The following ITPKB variants were observed in gnomAD, a reference collection of about 807,000 sequenced individuals.
ITPKB encodes inositol-trisphosphate 3-kinase B.
ITPKB carries 13 observed loss-of-function variants against 69.4 expected under a neutral mutation model. The ratio of observed to expected loss-of-function variants is 0.19; its 90% CI spans 0.12 to 0.30. ITPKB has a LOEUF of 0.30. Among genes scored for constraint, ITPKB ranks in the 10% least tolerant of loss-of-function variants. The probability of loss-of-function intolerance (pLI) is 1.00; values close to 1 mark genes in which losing one functional copy is unlikely to be tolerated. For missense variants in ITPKB, 1,240 were observed against 1,250.5 expected (o/e 0.99, Z 0.13); for synonymous variants, 584 against 513.7 (o/e 1.14, Z -1.85).
rs1196214610 is a variant in ITPKB, at chr1:226,737,463, C to G, written c.-5G>C. ...CGCATAGCAGTACACAGCCATAGTACTGGGTCCCGCGCTGCCCGCCGCCGC... is the reference window on the plus strand; with the variant it reads ...CGCATAGCAGTACACAGCCATAGTAGTGGGTCCCGCGCTGCCCGCCGCCGC... On this transcript the variant is annotated 5_prime_UTR_variant, in exon 2 of 8. Transcript: ENST00000429204. The G allele has an allele frequency of 6.3e-7, 1 of 1,588,582 alleles. No individual in the cohort carries two copies. The highest frequency in any genetic ancestry group is 1.1e-5 in the South Asian group (1 of 89,264).
chr1:226,652,620 GA>G (rs1287716851), intron 2 of ITPKB, among the ~76,000 whole-genome samples: 3 of 152,360 alleles, frequency 2.0e-5, no homozygotes, highest in African/African-American at 7.2e-5. Context: ...CCAGCTCTAG[GA>G]AATACAAAAG....
intron 2 of ITPKB, among the ~76,000 whole-genome samples, chr1:226,694,279 T>C (rs1330795416): frequency 6.6e-6 from 1 of 152,268 alleles, no homozygotes; most frequent in Non-Finnish European, 1.5e-5. Flanking sequence ...TGTCAAAGTA[T>C]GGTTGAACAG....
intron 2 of ITPKB, among the ~76,000 whole-genome samples, chr1:226,723,206 C>T (rs981514998): frequency 1.3e-5 from 2 of 152,138 alleles, no homozygotes; most frequent in African/African-American, 4.8e-5. Flanking sequence ...TTCCACTCCA[C>T]CATCCCAGCC....
At chr1:226,695,409 C>A (rs1558087841) in intron 2 of ITPKB, among the ~76,000 whole-genome samples, 1 of 152,178 alleles carries the variant, frequency 6.6e-6, no homozygotes, top group African/African-American at 2.4e-5. Context: ...GTGAGACTGG[C>A]ACTCATGGCA....
chr1:226,641,949 G>A lies in ITPKB; in HGVS notation c.2423C>T (p.Thr808Ile), dbSNP rs1668972085. ...QWRETISSTATLGFRIEGIKK... is the reference protein window; with the variant it reads ...QWRETISSTAILGFRIEGIKK... The stretch of plus-strand genomic sequence containing the variant: ...GATTCCCTCGATCCTGAACCCCAGG[G>A]TGGCCGTGGAGCTGATGGTCTCCCG... The change falls in exon 5 of 8, where the codon ACC becomes ATC. Residue 808 changes from threonine to isoleucine, a missense_variant. Around this residue, in one of 2 missense-constraint regions of ITPKB, gnomAD observed 248 missense variants for 396.7 expected, o/e 0.63. Coordinates refer to ENST00000429204, the MANE Select transcript of ITPKB (RefSeq NM_002221.4). This position sits in a 1 kb window ranked among gnomAD's most constrained non-coding sequence, Gnocchi z 4.6. The A allele has an allele frequency of 1.9e-6, 3 of 1,613,922 alleles. No homozygotes were observed. The highest frequency in any genetic ancestry group is 1.3e-5 in the African/African-American group (1 of 74,940).
At chr1:226,665,281 G>T (rs974840034) in intron 2 of ITPKB, among the ~76,000 whole-genome samples, 1 of 152,196 alleles carries the variant, frequency 6.6e-6, no homozygotes, top group African/African-American at 2.4e-5. Context: ...TGAGCCGCTG[G>T]ATTTAGAGAC....
intron 2 of ITPKB, among the ~76,000 whole-genome samples, chr1:226,680,551 C>T (rs893463755): frequency 1.3e-5 from 2 of 151,876 alleles, no homozygotes; most frequent in East Asian, 1.9e-4. Flanking sequence ...AAGTTATCCA[C>T]GATTCTTATG....
At chr1:226,689,678 T>C (rs1002616298) in intron 2 of ITPKB, among the ~76,000 whole-genome samples, 4 of 151,804 alleles carry the variant, frequency 2.6e-5, no homozygotes, top group Non-Finnish European at 4.4e-5. Flanking sequence ...AGGTAAACTT[T>C]TGTCATGGGG....
At chr1:226,722,696 G>GA (rs1341542582) in intron 2 of ITPKB, among the ~76,000 whole-genome samples, 2 of 152,150 alleles carry the variant, frequency 1.3e-5, no homozygotes, top group Non-Finnish European at 2.9e-5. Context: ...AATCCTCCCA[G>GA]ACATCAGTCC....
At position 226,671,203 on chromosome 1, in the gene ITPKB, C is replaced by T. The variant is rs559846918; in HGVS notation, c.1933-22432G>A. On this transcript the variant is annotated intron_variant, in intron 2 of 7. Coordinates refer to ENST00000429204, the MANE Select transcript of ITPKB (RefSeq NM_002221.4). Reference sequence around the variant, plus strand: ...CCAGGAACATTAGTGGAGGACCATTCGGATGACAGACAGCAGCTAGACTCC... The same window carrying T: ...CCAGGAACATTAGTGGAGGACCATTTGGATGACAGACAGCAGCTAGACTCC... 1.1e-4 allele frequency among the ~76,000 whole-genome samples: 17 copies of T among 152,284 alleles called. No individual in the cohort carries two copies. In the South Asian group the frequency reaches 3.1e-3, roughly 28 times the overall value.
chr1:226,708,333 T>A (rs1040479006), intron 2 of ITPKB, among the ~76,000 whole-genome samples: 4 of 152,310 alleles, frequency 2.6e-5, no homozygotes, highest in Non-Finnish European at 5.9e-5. Flanking sequence ...CAAACCTGCC[T>A]CAAACCGTTG....
Position 226,642,266 on chromosome 1 carries a change from G to C in ITPKB, c.2247-141C>G. On this transcript the variant is annotated intron_variant, in intron 4 of 7. Coordinates refer to ENST00000429204, the MANE Select transcript of ITPKB (RefSeq NM_002221.4). The surrounding 1 kb of genome is among the most constrained non-coding windows in gnomAD (Gnocchi z 6.4). ...AGCTCAGTGCCCTGAGTCAAGGCAC[G>C]TCTTTCCGAGGGGACGGCAGACTCT... 1 of 647,470 alleles carries C rather than the reference G, an allele frequency of 1.5e-6. No individual in the cohort carries two copies. Among genetic ancestry groups the C allele is most frequent in the Non-Finnish European group, 2.7e-6 (1 of 376,694 alleles). The allele number at this position is 647,470 out of a possible 1,614,324, so 40.1% of individuals were successfully genotyped here. A position where few individuals can be genotyped will look rare whatever the true frequency, so the allele number is the denominator to read the frequency against.
intron 2 of ITPKB, among the ~76,000 whole-genome samples, chr1:226,722,927 C>G (rs1050066326): frequency 3.9e-5 from 6 of 152,200 alleles, no homozygotes; most frequent in Admixed American, 3.9e-4. Flanking sequence ...ACCCTGCAGG[C>G]TACCTGCTCC....
chr1:226,665,898 C>T (rs1199141725), intron 2 of ITPKB, among the ~76,000 whole-genome samples: 1 of 152,186 alleles, frequency 6.6e-6, no homozygotes, highest in Non-Finnish European at 1.5e-5. Flanking sequence ...AGGAGGAAGC[C>T]TAGCATCCTG....
intron 2 of ITPKB, among the ~76,000 whole-genome samples, chr1:226,655,274 A>G (rs1334371013): frequency 6.6e-6 from 1 of 152,244 alleles, no homozygotes; most frequent in Non-Finnish European, 1.5e-5. Flanking sequence ...AAATTCAGTA[A>G]GAATGTCATG....
rs1055459942 is a variant in ITPKB at position 226,632,741 on chromosome 1, C to G, written c.*1930G>C. On this transcript the variant is annotated 3_prime_UTR_variant, in exon 8 of 8. Transcript: ENST00000429204. The stretch of plus-strand genomic sequence containing the variant: ...GAACATTTTGTTCTCTTAAACAGGT[C>G]CCCTGTAATTTTTGTTCATATCATG... 6.6e-6 allele frequency: 1 copy of G among 152,634 alleles called. No individual in the cohort carries two copies. The highest frequency in any genetic ancestry group is 1.5e-5 in the Non-Finnish European group (1 of 68,038). 9.5% of individuals were successfully genotyped at this position (152,634 alleles called of 1,614,324 possible). A position where few individuals can be genotyped will look rare whatever the true frequency, so the allele number is the denominator to read the frequency against.
chr1:226,644,776 T>C (rs1401817264), intron 4 of ITPKB, among the ~76,000 whole-genome samples: 1 of 152,232 alleles, frequency 6.6e-6, no homozygotes, highest in Non-Finnish European at 1.5e-5. Context: ...GAGGTAACCC[T>C]GGGCTCCAGC....
intron 4 of ITPKB, among the ~76,000 whole-genome samples, chr1:226,645,738 G>C (rs988670774): frequency 6.6e-6 from 1 of 151,718 alleles, no homozygotes; most frequent in Non-Finnish European, 1.5e-5. Flanking sequence ...CAAAGGCCTC[G>C]GGCTGGCTGG....
intron 2 of ITPKB, chr1:226,707,444 G>C (rs866108573): frequency 1.4e-6 from 1 of 709,814 alleles, no homozygotes; most frequent in Non-Finnish European, 1.7e-6. Flanking sequence ...TGATCCGCCC[G>C]CCTTGGCCTC....
Sources: allele counts gnomAD v4.1 joint callset (sites outside exome capture counted in the v4.1 genomes callset), GRCh38; gene constraint gnomAD v4.1.1; regional missense constraint gnomAD v4.1.1; non-coding constraint Gnocchi (gnomAD v3.1); transcripts MANE v1.5; gene names NCBI Gene and HGNC (gene_info 2026-07-23, HGNC 2026-07-21).